NPTX2: variants seen among roughly 807,000 people sequenced by gnomAD.
NPTX2 encodes the protein neuronal pentraxin 2, also known as neuronal pentraxin-2.
Under a neutral mutation model 38.1 loss-of-function variants are expected in NPTX2, and 23 were observed. The ratio of observed to expected loss-of-function variants is 0.60; its 90% CI spans 0.43 to 0.85. NPTX2 has a LOEUF of 0.85. Ranked by LOEUF, NPTX2 falls within the 40% of genes least tolerant of loss-of-function variation. The pLI is 0.00. For missense variants in NPTX2, 553 were observed against 615.3 expected (o/e 0.90, Z 1.07); for synonymous variants, 291 against 287.3 (o/e 1.01, Z -0.13).
At chr7:98,625,576 C>A (rs1386359024) in intron 3 of NPTX2, among the ~76,000 whole-genome samples, 1 of 152,070 alleles carries the variant, frequency 6.6e-6, no homozygotes, top group Non-Finnish European at 1.5e-5. Context: ...GGTCAGGTTT[C>A]TAGAGATATA....
At chr7:98,625,955 G>A (rs892892247) in intron 3 of NPTX2, among the ~76,000 whole-genome samples, 39 of 151,944 alleles carry the variant, frequency 2.6e-4, no homozygotes, top group Admixed American at 1.3e-4. Flanking sequence ...AGAGCAGCCT[G>A]GGCAACATAG....
Position 98,627,256 on chromosome 7 carries a change from A to C in NPTX2, c.980A>C (p.Gln327Pro). Residue 327 changes from glutamine (Q) to proline (P), a missense_variant, in exon 4 of 5, where the codon CAG becomes CCG. By Grantham distance (76) the Gln-to-Pro change is moderately conservative (BLOSUM62 -1). Coordinates refer to ENST00000265634, the MANE Select transcript of NPTX2 (RefSeq NM_002523.3). ...TTRDGMWEAF[Q>P]DGEKLGTGEN... is the part of the protein sequence containing the mutation. ...CGGGATGGCATGTGGGAGGCATTCCAGGACGGAGAGAAGCTGGGCACTGGG... is the reference window on the plus strand; with the variant it reads ...CGGGATGGCATGTGGGAGGCATTCCCGGACGGAGAGAAGCTGGGCACTGGG... The C allele has an allele frequency of 1.2e-6, 2 of 1,613,670 alleles. No homozygotes were observed. Among genetic ancestry groups the C allele is most frequent in the Non-Finnish European group, 1.7e-6 (2 of 1,179,576 alleles).
chr7:98,626,883 TC>T (rs1351532620), intron 3 of NPTX2, among the ~76,000 whole-genome samples: 1 of 152,208 alleles, frequency 6.6e-6, no homozygotes, highest in Non-Finnish European at 1.5e-5. Context: ...CCCGAGTTTC[TC>T]TGGCATGGAG....
Position 98,619,770 on chromosome 7 carries a change from C to G in NPTX2, c.554C>G (p.Ser185Cys). The change falls in exon 2 of 5, where the codon TCC becomes TGC. Residue 185 changes from serine to cysteine, a missense_variant. Coordinates refer to ENST00000265634, the MANE Select transcript of NPTX2 (RefSeq NM_002523.3). ...RKVAELEDEK[S>C]LLHNETSAHR... ...GTGGCAGAGCTGGAGGACGAGAAGT[C>G]CCTGCTGCACAATGAGACCTCGGCT... 1 of 1,613,690 alleles carries G rather than the reference C, an allele frequency of 6.2e-7. No homozygotes were observed. The highest frequency in any genetic ancestry group is 8.5e-7 in the Non-Finnish European group (1 of 1,180,032).
At chr7:98,618,878 G>A (rs551337355) in intron 1 of NPTX2, among the ~76,000 whole-genome samples, 33 of 152,056 alleles carry the variant, frequency 2.2e-4, no homozygotes, top group Middle Eastern at 6.8e-3. Context: ...CTGATTCATT[G>A]TGATTGCTAA....
chr7:98,627,763 T>G (rs1284260334), intron 4 of NPTX2, among the ~76,000 whole-genome samples: 1 of 152,140 alleles, frequency 6.6e-6, no homozygotes, highest in Non-Finnish European at 1.5e-5. Flanking sequence ...CCTGGGATGC[T>G]CATGGTACCA....
rs76786816 is a variant in NPTX2 at position 98,624,410 on chromosome 7, T to C, written c.644-512T>C. Reference sequence around the variant, plus strand: ...ACCCATCCAAGAGCTTTTTTTCTTCTAGATTTCAAGAGGCCTCTTTTCCTG... The same window carrying C: ...ACCCATCCAAGAGCTTTTTTTCTTCCAGATTTCAAGAGGCCTCTTTTCCTG... On this transcript the variant is annotated intron_variant, in intron 2 of 4. Transcript: ENST00000265634. 6.8e-3 allele frequency among the ~76,000 whole-genome samples: 1,028 copies of C among 152,292 alleles called. 18 individuals carry two copies. The highest frequency in any genetic ancestry group is 0.024 in the African/African-American group (982 of 41,568).
chr7:98,623,617 T>G (rs976563498), intron 2 of NPTX2, among the ~76,000 whole-genome samples: 6 of 152,188 alleles, frequency 3.9e-5, no homozygotes, highest in Non-Finnish European at 7.3e-5. Flanking sequence ...CAAAGTGCTT[T>G]TTGTCAGGGA....
chr7:98,619,875 G>A lies in NPTX2; in HGVS notation c.643+16G>A, dbSNP rs372278922. 43 of 1,608,798 alleles carry A rather than the reference G, an allele frequency of 2.7e-5. No homozygotes were observed. In the African/African-American group the frequency reaches 4.8e-4, roughly 18 times the overall value. ...CTGGAGCGAGGTGTGTGCCTGGCCT[G>A]TTTCTCTGTCTGGCAGTGGCCTGAT... is the stretch of plus-strand genomic sequence containing the variant. On this transcript the variant is annotated intron_variant, in intron 2 of 4. Transcript: ENST00000265634.
At chr7:98,628,309 A>T in intron 4 of NPTX2, 93 bp from the exon 5 acceptor site, 1 of 650,552 alleles carries the variant, frequency 1.5e-6, no homozygotes. Context: ...GCTGGGGGGC[A>T]TCAGAGAAAT....
At position 98,627,240 on chromosome 7, in the gene NPTX2, A is replaced by T; in HGVS notation, c.964A>T (p.Met322Leu). ...ICVTWTTRDG[M>L]WEAFQDGEKL... ...TGTCACCTGGACGACACGGGATGGC[A>T]TGTGGGAGGCATTCCAGGACGGAGA... Residue 322 changes from methionine (M) to leucine (L), a missense_variant, in exon 4 of 5, where the codon ATG (methionine) becomes TTG (leucine). Met to Leu is a conservative substitution (Grantham distance 15). Transcript: ENST00000265634. 1 of 1,613,516 alleles carries T rather than the reference A, an allele frequency of 6.2e-7. No individual in the cohort carries two copies. Among genetic ancestry groups the T allele is most frequent in the Non-Finnish European group, 8.5e-7 (1 of 1,179,450 alleles).
chr7:98,618,336 T>C (rs556924742), intron 1 of NPTX2, among the ~76,000 whole-genome samples: 8 of 151,806 alleles, frequency 5.3e-5, no homozygotes, highest in Non-Finnish European at 1.2e-4. Context: ...GCCCCGGGCA[T>C]GTGGTGTTTC....
chr7:98,628,349 C>A, intron 4 of NPTX2, 53 bp from the exon 5 acceptor site: 1 of 822,652 alleles, frequency 1.2e-6, no homozygotes, highest in Admixed American at 2.1e-5. Flanking sequence ...AGCCCGTGTG[C>A]AGGGGGACTT....
chr7:98,628,746 C>G lies in NPTX2; in HGVS notation c.*117C>G. On this transcript the variant is annotated 3_prime_UTR_variant, in exon 5 of 5. Transcript: ENST00000265634. ...GGGCTCAGGGTTCCCAGAGCTCATTCCCCAGGAATCTCTAAGACCAGGGCT... is the reference window on the plus strand; with the variant it reads ...GGGCTCAGGGTTCCCAGAGCTCATTGCCCAGGAATCTCTAAGACCAGGGCT... 1.8e-6 allele frequency: 1 copy of G among 567,988 alleles called. No homozygotes were observed. The highest frequency in any genetic ancestry group is 3.2e-6 in the Non-Finnish European group (1 of 317,402). 35.2% of individuals were successfully genotyped at this position (567,988 alleles called of 1,614,324 possible). A position where few individuals can be genotyped will look rare whatever the true frequency, so the allele number is the denominator to read the frequency against.
At chr7:98,619,981 T>G in intron 2 of NPTX2, 122 bp downstream of exon 2, 1 of 834,808 alleles carries the variant, frequency 1.2e-6, no homozygotes, top group South Asian at 1.6e-5. Context: ...GGTTCCCGAG[T>G]GTGTGAGCAA....
In NPTX2 at chr7:98,628,656, G is replaced by C. The variant is rs763114650; in HGVS notation, c.*27G>C. On this transcript the variant is annotated 3_prime_UTR_variant, in exon 5 of 5. Transcript: ENST00000265634. ...CGCCTTCTCCTCTGTCCAGGAGGCCGGGATCAGGCTGTTGCCATGGAAGTT... is the reference window on the plus strand; with the variant it reads ...CGCCTTCTCCTCTGTCCAGGAGGCCCGGATCAGGCTGTTGCCATGGAAGTT... 8.8e-7 allele frequency: 1 copy of C among 1,142,274 alleles called. No homozygotes were observed. The highest frequency in any genetic ancestry group is 2.6e-5 in the East Asian group (1 of 39,066). 70.8% of individuals were successfully genotyped at this position (1,142,274 alleles called of 1,614,324 possible).
intron 2 of NPTX2, 43 bp from the exon 3 acceptor site, chr7:98,624,879 G>A (rs1295420844): frequency 6.3e-7 from 1 of 1,581,932 alleles, no homozygotes; most frequent in Non-Finnish European, 8.6e-7. Context: ...GGGTGGTGGG[G>A]TGGCCTAACG....
intron 1 of NPTX2, among the ~76,000 whole-genome samples, chr7:98,618,595 T>TCCCCCC (rs1221869556): frequency 2.4e-4 from 7 of 29,124 alleles, no homozygotes; most frequent in African/African-American, 4.0e-4. Context: ...TCCCCCTCCG[T>TCCCCCC]CCCCCCCCCC....
intron 4 of NPTX2, 22 bp downstream of exon 4, chr7:98,627,366 G>A (rs536675409): frequency 3.1e-6 from 5 of 1,608,548 alleles, no homozygotes; most frequent in African/African-American, 2.7e-5. Flanking sequence ...GCAGGTGCAG[G>A]TGGGCACAGG....
Sources: allele counts gnomAD v4.1 joint callset (sites outside exome capture counted in the v4.1 genomes callset), GRCh38; gene constraint gnomAD v4.1.1; transcripts MANE v1.5; gene names NCBI Gene and HGNC (gene_info 2026-07-23, HGNC 2026-07-21).